Variants in ODF2L observed in about 807,000 individuals in gnomAD.
ODF2L encodes the protein outer dense fiber of sperm tails 2 like.
Under a neutral mutation model 86.3 loss-of-function variants are expected in ODF2L, and 76 were observed. The ratio of observed to expected loss-of-function variants is 0.88; its 90% CI spans 0.73 to 1.07. The LOEUF is 1.07. Among genes scored for constraint, ODF2L ranks in the 50% least tolerant of loss-of-function variants. The pLI, the probability that ODF2L is intolerant of heterozygous loss-of-function variation, is 0.00. For synonymous variants in ODF2L, 241 were observed against 231.3 expected (o/e 1.04, Z -0.38); for missense variants, 748 against 717.4 (o/e 1.04, Z -0.49).
At chr1:86,372,774 T>C (rs1659889071) in intron 8 of ODF2L, among the ~76,000 whole-genome samples, 1 of 152,132 alleles carries the variant, frequency 6.6e-6, no homozygotes, top group Non-Finnish European at 1.5e-5. Flanking sequence ...ATGGTATATA[T>C]CCATCATGGA....
chr1:86,380,753 C>T (rs1036187537), intron 7 of ODF2L, among the ~76,000 whole-genome samples: 1 of 152,104 alleles, frequency 6.6e-6, no homozygotes, highest in African/African-American at 2.4e-5. Flanking sequence ...CAATCATTCT[C>T]AGTCTCTTCT....
rs186081847 is a variant in ODF2L at position 86,352,525 on chromosome 1, C to T, written c.1894-317G>A. Among the ~76,000 whole-genome samples the T allele has an allele frequency of 3.5e-3, 532 of 152,144 alleles. 4 individuals carry two copies. The highest frequency in any genetic ancestry group is 0.012 in the African/African-American group (515 of 41,520). On this transcript the variant is annotated intron_variant, in intron 17 of 17. Coordinates refer to ENST00000317336, the Ensembl canonical transcript of ODF2L. Reference sequence around the variant, plus strand: ...AACTCACTTGTAATAATAGTTTACACTGTGTTTATCTTTAAAAAATGAAAA... The same window carrying T: ...AACTCACTTGTAATAATAGTTTACATTGTGTTTATCTTTAAAAAATGAAAA...
At chr1:86,369,891 T>A (rs180840763) in intron 10 of ODF2L, among the ~76,000 whole-genome samples, 3 of 152,288 alleles carry the variant, frequency 2.0e-5, no homozygotes, top group Admixed American at 2.0e-4. Flanking sequence ...AGAAAAATAA[T>A]CTTTTAAAAT....
downstream of ODF2L, chr1:86,348,963 A>T (rs970437411): frequency 6.8e-6 from 9 of 1,327,768 alleles, no homozygotes; most frequent in African/African-American, 1.6e-5. Flanking sequence ...AAACATATAT[A>T]CAATAACTAG....
rs1660809367 is a variant in ODF2L, at chr1:86,384,668, T to C, written c.372+8A>G. ...TATTAAAATGAGTGCTTAGTGTTGA[T>C]GCCTTACTTGTTTGTAGTCTCTCTT... On this transcript the variant is annotated splice_region_variant and intron_variant, in intron 4 of 17. Transcript: ENST00000317336. The C allele has an allele frequency of 1.4e-6, 2 of 1,435,946 alleles. No individual in the cohort carries two copies. Among genetic ancestry groups the C allele is most frequent in the Admixed American group, 2.7e-5 (1 of 37,572 alleles). 89.0% of individuals were successfully genotyped at this position (1,435,946 alleles called of 1,614,324 possible).
At chr1:86,349,045 T>C (rs1657953801), downstream of ODF2L, 1 of 554,334 alleles carries the variant, frequency 1.8e-6, no homozygotes, top group Non-Finnish European at 2.6e-6. Flanking sequence ...CTCTTTAAAA[T>C]TAATAATTAA....
At chr1:86,362,126 A>C (rs1659080173) in intron 11 of ODF2L, among the ~76,000 whole-genome samples, 1 of 152,108 alleles carries the variant, frequency 6.6e-6, no homozygotes, top group Admixed American at 6.6e-5. Flanking sequence ...GTAGAAATAG[A>C]GAAAAAAGGG....
At chr1:86,388,730 G>A (rs546651557) in intron 1 of ODF2L, among the ~76,000 whole-genome samples, 1 of 152,028 alleles carries the variant, frequency 6.6e-6, no homozygotes, top group Non-Finnish European at 1.5e-5. Flanking sequence ...TTTGGTATCG[G>A]TATTTTATAC....
At chr1:86,347,654 A>G (rs1657879361), downstream of ODF2L, 1 of 152,188 alleles carries the variant, frequency 6.6e-6, no homozygotes, top group Non-Finnish European at 1.5e-5. Flanking sequence ...TGATCAGAAA[A>G]AAAGCATAAA....
At chr1:86,356,599 T>C in exon 14 of ODF2L, 2 of 1,612,442 alleles carry the variant, frequency 1.2e-6, no homozygotes, top group South Asian at 2.2e-5. Flanking sequence ...ATCTGGCCTC[T>C]CATCTGAGTT....
chr1:86,392,228 G>T (rs1184433295), intron 1 of ODF2L, among the ~76,000 whole-genome samples: 1 of 152,214 alleles, frequency 6.6e-6, no homozygotes, highest in Non-Finnish European at 1.5e-5. Context: ...CTTCTACACT[G>T]TTGGTGGGAA....
exon 17 of ODF2L, chr1:86,352,926 A>G: frequency 6.5e-7 from 1 of 1,544,586 alleles, no homozygotes; most frequent in Non-Finnish European, 8.9e-7. Flanking sequence ...TTCCAGATCT[A>G]ATATTTTAAT....
chr1:86,362,659 ATTTTC>A (rs1470577902), intron 11 of ODF2L, among the ~76,000 whole-genome samples: 4 of 151,402 alleles, frequency 2.6e-5, no homozygotes, highest in Admixed American at 6.6e-5. Context: ...GCTCTTTGGA[ATTTTC>A]TTTTCTTTTC....
At chr1:86,353,090 G>A in intron 16 of ODF2L, 106 bp from the exon 16 acceptor site, 1 of 706,504 alleles carries the variant, frequency 1.4e-6, no homozygotes, top group Non-Finnish European at 2.4e-6. Flanking sequence ...TTACTTGTAT[G>A]TTATATCCAA....
At position 86,354,866 on chromosome 1, in the gene ODF2L, G is replaced by GAA; in HGVS notation, c.1519-9_1519-8dup. The GAA allele has an allele frequency of 1.0e-5, 15 of 1,448,962 alleles. No individual in the cohort carries two copies. Among genetic ancestry groups the GAA allele is most frequent in the Non-Finnish European group, 1.2e-5 (13 of 1,067,560 alleles). 89.8% of individuals were successfully genotyped at this position (1,448,962 alleles called of 1,614,324 possible). A position where few individuals can be genotyped will look rare whatever the true frequency, so the allele number is the denominator to read the frequency against. On this transcript the variant is annotated splice_polypyrimidine_tract_variant and splice_region_variant and intron_variant, in intron 14 of 17. Coordinates refer to ENST00000317336, the Ensembl canonical transcript of ODF2L. ...GATTGTGATTTCCATCAACCTAAAAGAAAAAAAAAAGTTTTCTTAGTCATT... is the reference window on the plus strand; with the variant it reads ...GATTGTGATTTCCATCAACCTAAAAGAAAAAAAAAAAAGTTTTCTTAGTCATT...
chr1:86,378,641 T>G (rs1570412035), intron 7 of ODF2L, among the ~76,000 whole-genome samples: 1 of 152,192 alleles, frequency 6.6e-6, no homozygotes, highest in Middle Eastern at 3.4e-3. Flanking sequence ...AGCAGGGACC[T>G]TCTTCACATG....
intron 7 of ODF2L, among the ~76,000 whole-genome samples, chr1:86,381,159 T>G (rs1660557850): frequency 6.6e-6 from 1 of 152,266 alleles, no homozygotes; most frequent in East Asian, 1.9e-4. Context: ...TGAATTCAAA[T>G]TATAGTTGAA....
exon 18 of ODF2L, chr1:86,350,846 T>C (rs769630274): frequency 6.6e-6 from 1 of 152,228 alleles, no homozygotes; most frequent in Non-Finnish European, 1.5e-5. Flanking sequence ...TTTCTCTGAA[T>C]GACCAGTGAT....
chr1:86,383,941 G>A (rs189809272), intron 4 of ODF2L, among the ~76,000 whole-genome samples: 7 of 151,770 alleles, frequency 4.6e-5, no homozygotes, highest in Admixed American at 2.0e-4. Flanking sequence ...AAAACACCAC[G>A]TATATATGCA....
Sources: gnomAD v4.1 joint callset for allele counts (sites outside exome capture counted in the v4.1 genomes callset) on GRCh38, gnomAD v4.1.1 for gene constraint, MANE v1.5 for transcripts, NCBI Gene and HGNC (gene_info 2026-07-23, HGNC 2026-07-21) for gene names.